The following GDAP1 variants were observed in gnomAD, a reference collection of about 807,000 sequenced individuals.
GDAP1 encodes ganglioside induced differentiation associated protein 1, also known as ganglioside-induced differentiation-associated protein 1.
A neutral mutation model predicts 40.1 loss-of-function variants in GDAP1; 34 were observed. The observed-to-expected ratio is 0.85, with a 90% CI of 0.64 to 1.13. GDAP1 has a LOEUF of 1.13. GDAP1 is among the 50% of genes most tolerant of loss of function. GDAP1 has a pLI of 0.00. For missense variants in GDAP1, 374 were observed against 433.7 expected, an observed-to-expected ratio of 0.86 and a Z score of 1.22; for synonymous variants, 170 against 157.4, an observed-to-expected ratio of 1.08 and a Z score of -0.60.
At chr8:74,470,613 A>G (rs1806539751) in intron 2 of GDAP1, among the ~76,000 whole-genome samples, 1 of 152,166 alleles carries the variant, frequency 6.6e-6, no homozygotes, top group South Asian at 2.1e-4. Flanking sequence ...ATAGTATTTC[A>G]TGGTGTATAT....
intron 2 of GDAP1, among the ~76,000 whole-genome samples, chr8:74,443,210 G>C (rs921736888): frequency 1.3e-5 from 2 of 152,172 alleles, no homozygotes. Context: ...AACCATAAGT[G>C]CATTTTGTTG....
chr8:74,470,702 C>T (rs1422392977), intron 2 of GDAP1, among the ~76,000 whole-genome samples: 1 of 152,108 alleles, frequency 6.6e-6, no homozygotes, highest in African/African-American at 2.4e-5. Flanking sequence ...TGAATAGTGC[C>T]GCAATAAACA....
intron 2 of GDAP1, among the ~76,000 whole-genome samples, chr8:74,394,021 C>T (rs1345100529): frequency 1.3e-5 from 2 of 152,080 alleles, no homozygotes; most frequent in African/African-American, 4.8e-5. Flanking sequence ...AGTCCACTTT[C>T]ACACTGTTGA....
chr8:74,431,192 A>G (rs1806020661), intron 2 of GDAP1, among the ~76,000 whole-genome samples: 1 of 150,160 alleles, frequency 6.7e-6, no homozygotes. Context: ...GATGTATGAT[A>G]TTTATGAGCT....
intron 2 of GDAP1, among the ~76,000 whole-genome samples, chr8:74,418,560 G>A (rs902799587): frequency 6.6e-6 from 1 of 152,140 alleles, no homozygotes; most frequent in African/African-American, 2.4e-5. Flanking sequence ...TGAACAACAA[G>A]TAACTATAAA....
intron 2 of GDAP1, among the ~76,000 whole-genome samples, chr8:74,445,930 G>A (rs888253757): frequency 2.0e-5 from 3 of 152,194 alleles, no homozygotes; most frequent in Non-Finnish European, 4.4e-5. Context: ...GCAGAGGGAT[G>A]AAGTGAAGCA....
intron 2 of GDAP1, among the ~76,000 whole-genome samples, chr8:74,352,118 AG>A (rs1479179150): frequency 3.3e-5 from 5 of 152,254 alleles, no homozygotes; most frequent in Non-Finnish European, 5.9e-5. Flanking sequence ...AGAAAGCAAC[AG>A]GGTTGCCCAA....
chr8:74,355,342 A>G (rs1467894634), intron 2 of GDAP1, among the ~76,000 whole-genome samples: 1 of 152,244 alleles, frequency 6.6e-6, no homozygotes, highest in African/African-American at 2.4e-5. Context: ...AGATGTTTTA[A>G]AGATCCGAAA....
intron 2 of GDAP1, among the ~76,000 whole-genome samples, chr8:74,377,503 C>T (rs1248400743): frequency 1.3e-5 from 2 of 152,066 alleles, no homozygotes; most frequent in Non-Finnish European, 2.9e-5. Flanking sequence ...ATCAAATATG[C>T]CAATCATTAT....
downstream of GDAP1, chr8:74,367,038 G>C (rs1232671496): frequency 4.0e-6 from 1 of 250,440 alleles, no homozygotes; most frequent in Non-Finnish European, 7.8e-6. Context: ...GCTGACTCTT[G>C]CTTCATTTAA....
At chr8:74,359,085 C>T (rs928974775) in intron 2 of GDAP1, among the ~76,000 whole-genome samples, 37 of 152,056 alleles carry the variant, frequency 2.4e-4, no homozygotes, top group Admixed American at 7.9e-4. Context: ...TATTCTTTTT[C>T]GATAGTCTAT....
intron 2 of GDAP1, among the ~76,000 whole-genome samples, chr8:74,358,288 C>T (rs1340192968): frequency 6.6e-6 from 1 of 152,198 alleles, no homozygotes; most frequent in Non-Finnish European, 1.5e-5. Flanking sequence ...AAATGGTATG[C>T]TCTTCTGGAG....
chr8:74,399,201 C>CAAAGAATGTAAGA (rs1214414766), intron 2 of GDAP1, among the ~76,000 whole-genome samples: 18 of 143,136 alleles, frequency 1.3e-4, no homozygotes, highest in African/African-American at 5.5e-4. Context: ...GGTTGGTAAG[C>CAAAGAATGTAAGA]TATTGATTAT....
At chr8:74,369,346 A>G (rs1809709838), downstream of GDAP1, among the ~76,000 whole-genome samples, 1 of 152,222 alleles carries the variant, frequency 6.6e-6, no homozygotes, top group Admixed American at 6.5e-5. Flanking sequence ...AAAGCAGCTA[A>G]CAGGCAATAT....
intron 3 of GDAP1, among the ~76,000 whole-genome samples, chr8:74,361,456 G>A (rs555985267): frequency 2.0e-5 from 3 of 152,022 alleles, no homozygotes; most frequent in South Asian, 4.2e-4. Flanking sequence ...GCGTGCAGTG[G>A]CATCATCTCG....
chr8:74,366,729 T>C lies in GDAP1; in HGVS notation c.*2362T>C, dbSNP rs1037345397. The C allele has an allele frequency of 2.2e-5, 10 of 453,306 alleles. No homozygotes were observed. In the East Asian group the frequency reaches 6.9e-4, roughly 31 times the overall value. The allele number at this position is 453,306 out of a possible 1,614,324, so 28.1% of individuals were successfully genotyped here. A position where few individuals can be genotyped will look rare whatever the true frequency, so the allele number is the denominator to read the frequency against. ...CATTTTCCATAATTGCGGATAGTCA[T>C]AAATTGCTTGCTCAATTTTTAGTAA... On this transcript the variant is annotated 3_prime_UTR_variant, in exon 6 of 6. Coordinates refer to ENST00000220822, the MANE Select transcript of GDAP1 (RefSeq NM_018972.4).
intron 2 of GDAP1, among the ~76,000 whole-genome samples, chr8:74,448,984 G>C (rs1351244572): frequency 6.6e-6 from 1 of 151,924 alleles, no homozygotes; most frequent in Non-Finnish European, 1.5e-5. Flanking sequence ...AAGTTTTATA[G>C]TTTTTATTTT....
At chr8:74,396,007 A>G (rs1205277146) in intron 2 of GDAP1, among the ~76,000 whole-genome samples, 1 of 152,222 alleles carries the variant, frequency 6.6e-6, no homozygotes, top group African/African-American at 2.4e-5. Context: ...TCACATGTGT[A>G]GTAAGGAGAA....
intron 2 of GDAP1, among the ~76,000 whole-genome samples, chr8:74,396,751 A>C (rs528645207): frequency 6.6e-6 from 1 of 152,244 alleles, no homozygotes; most frequent in South Asian, 2.1e-4. Context: ...AATCCAGTCT[A>C]TCATTGTTGG....
Sources: gnomAD v4.1 joint callset for allele counts (sites outside exome capture counted in the v4.1 genomes callset) on GRCh38, gnomAD v4.1.1 for gene constraint, MANE v1.5 for transcripts, NCBI Gene and HGNC (gene_info 2026-07-23, HGNC 2026-07-21) for gene names.